HPSE2: variants seen among roughly 807,000 people sequenced by gnomAD.
HPSE2 encodes inactive heparanase-2.
Under a neutral mutation model 60.5 loss-of-function variants are expected in HPSE2, and 38 were observed. The ratio of observed to expected loss-of-function variants is 0.63; its 90% CI spans 0.48 to 0.82. The LOEUF (loss-of-function observed/expected upper bound fraction) is 0.82. HPSE2 is among the 40% of genes least tolerant of loss of function. HPSE2 has a pLI of 0.00. For missense variants in HPSE2, 713 were observed against 740.4 expected, an observed-to-expected ratio of 0.96 and a Z score of 0.43; for synonymous variants, 295 against 293.2, an observed-to-expected ratio of 1.01 and a Z score of -0.06.
chr10:99,203,711 C>G (rs1394397093), intron 2 of HPSE2, among the ~76,000 whole-genome samples: 3 of 152,094 alleles, frequency 2.0e-5, no homozygotes, highest in Non-Finnish European at 4.4e-5. Flanking sequence ...CCAGCACCCA[C>G]ACGCTGAACC....
At chr10:98,483,646 G>A (rs776716179) in intron 10 of HPSE2, among the ~76,000 whole-genome samples, 5 of 152,182 alleles carry the variant, frequency 3.3e-5, no homozygotes, top group Admixed American at 6.5e-5. Flanking sequence ...AATGAAATGT[G>A]AGTGGACATG....
chr10:99,100,998 T>C (rs1843951207), intron 3 of HPSE2, among the ~76,000 whole-genome samples: 1 of 151,978 alleles, frequency 6.6e-6, no homozygotes, highest in South Asian at 2.1e-4. Flanking sequence ...GCACTAAACA[T>C]GGAAAGGAAC....
chr10:98,969,689 C>A (rs1320345133), intron 3 of HPSE2, among the ~76,000 whole-genome samples: 3 of 152,140 alleles, frequency 2.0e-5, no homozygotes, highest in Admixed American at 1.3e-4. Flanking sequence ...CATTTGTAAC[C>A]AATGTCCTGA....
intron 4 of HPSE2, among the ~76,000 whole-genome samples, chr10:98,738,284 T>C (rs1949408778): frequency 6.6e-6 from 1 of 151,766 alleles, no homozygotes; most frequent in Non-Finnish European, 1.5e-5. Context: ...GCCATATTCA[T>C]AAAACTGGAC....
At chr10:98,675,772 G>A (rs1947625423) in intron 6 of HPSE2, among the ~76,000 whole-genome samples, 1 of 152,102 alleles carries the variant, frequency 6.6e-6, no homozygotes, top group Admixed American at 6.6e-5. Context: ...AGAGAGGGTT[G>A]TCCTGTAATT....
chr10:98,909,153 G>A (rs1287806984), intron 3 of HPSE2, among the ~76,000 whole-genome samples: 1 of 152,118 alleles, frequency 6.6e-6, no homozygotes, highest in Non-Finnish European at 1.5e-5. Context: ...CACAGGAAAG[G>A]CCTTATCTGC....
chr10:98,499,912 A>C (rs1932798), intron 9 of HPSE2, among the ~76,000 whole-genome samples: 64,843 of 152,096 alleles, frequency 0.43, 16,705 homozygotes, highest in Non-Finnish European at 0.55. Flanking sequence ...AACAGCAGTT[A>C]AAAGAGACAA....
At chr10:98,881,601 A>G (rs534092236) in intron 3 of HPSE2, among the ~76,000 whole-genome samples, 2 of 152,186 alleles carry the variant, frequency 1.3e-5, no homozygotes, top group Admixed American at 6.6e-5. Context: ...TTCGAATAAT[A>G]ATATAGAATG....
intron 2 of HPSE2, among the ~76,000 whole-genome samples, chr10:99,182,522 T>G (rs1477773808): frequency 6.6e-6 from 1 of 152,140 alleles, no homozygotes; most frequent in African/African-American, 2.4e-5. Flanking sequence ...AAGCAGATAT[T>G]CAAATATAAA....
chr10:98,971,654 TC>T (rs1277456630), intron 3 of HPSE2, among the ~76,000 whole-genome samples: 1 of 152,212 alleles, frequency 6.6e-6, no homozygotes, highest in Non-Finnish European at 1.5e-5. Context: ...TGCATAACAT[TC>T]CTTGTTGTGC....
intron 4 of HPSE2, among the ~76,000 whole-genome samples, chr10:98,736,603 C>G (rs999526109): frequency 6.6e-6 from 1 of 152,122 alleles, no homozygotes; most frequent in South Asian, 2.1e-4. Flanking sequence ...TTAATTTATA[C>G]TTTTATTATA....
At chr10:98,494,593 A>C in intron 9 of HPSE2, among the ~76,000 whole-genome samples, 1 of 152,198 alleles carries the variant, frequency 6.6e-6, no homozygotes, top group East Asian at 1.9e-4. Context: ...TCTTTGAATA[A>C]ATTTTGCTTT....
intron 6 of HPSE2, among the ~76,000 whole-genome samples, chr10:98,683,183 T>A (rs1300941256): frequency 2.0e-5 from 3 of 152,026 alleles, no homozygotes; most frequent in East Asian, 1.9e-4. Context: ...TAAAAAGAAA[T>A]GTCTATAAAC....
At chr10:99,094,730 T>C (rs1480498017) in intron 3 of HPSE2, among the ~76,000 whole-genome samples, 1 of 150,680 alleles carries the variant, frequency 6.6e-6, no homozygotes, top group African/African-American at 2.4e-5. Context: ...CTAATTTTTG[T>C]ATTTTTAGTA....
At chr10:98,719,822 G>A (rs1483586619) in intron 5 of HPSE2, among the ~76,000 whole-genome samples, 2 of 151,486 alleles carry the variant, frequency 1.3e-5, no homozygotes, top group Non-Finnish European at 2.9e-5. Flanking sequence ...CCAACATGGC[G>A]AAACCCCATC....
At chr10:99,215,457 G>A (rs1227032293) in intron 2 of HPSE2, among the ~76,000 whole-genome samples, 1 of 152,130 alleles carries the variant, frequency 6.6e-6, no homozygotes, top group African/African-American at 2.4e-5. Context: ...ACCAGGGCCT[G>A]TCGGCGGGGT....
chr10:98,497,330 G>C (rs1467684733), intron 9 of HPSE2, among the ~76,000 whole-genome samples: 5 of 152,116 alleles, frequency 3.3e-5, no homozygotes, highest in African/African-American at 1.2e-4. Flanking sequence ...TTCACTTAAA[G>C]TCACAGTTTC....
At chr10:99,276,910 G>T in the HPSE2 span, among the ~76,000 whole-genome samples, 1 of 152,018 alleles carries the variant, frequency 6.6e-6, no homozygotes, top group East Asian at 1.9e-4. Context: ...TTAAAATAAC[G>T]CCAAAACTGC....
intron 5 of HPSE2, among the ~76,000 whole-genome samples, chr10:98,697,326 G>A (rs1948252575): frequency 6.6e-6 from 1 of 152,200 alleles, no homozygotes; most frequent in Non-Finnish European, 1.5e-5. Flanking sequence ...ACTTGAAGGA[G>A]CTGAAAAACA....
Sources: gnomAD v4.1 joint callset for allele counts (sites outside exome capture counted in the v4.1 genomes callset) on GRCh38, gnomAD v4.1.1 for gene constraint, MANE v1.5 for transcripts, NCBI Gene and HGNC (gene_info 2026-07-23, HGNC 2026-07-21) for gene names.